The following LRBA variants were observed in gnomAD, a reference collection of about 807,000 sequenced individuals.
LRBA encodes LPS responsive beige-like anchor protein, also known as lipopolysaccharide-responsive and beige-like anchor protein.
A neutral mutation model predicts 330.0 loss-of-function variants in LRBA; 176 were observed. The ratio of observed to expected loss-of-function variants is 0.53; its 90% CI spans 0.47 to 0.60. The LOEUF (loss-of-function observed/expected upper bound fraction) is 0.60. LRBA is among the 20% of genes least tolerant of loss of function. The pLI is 0.00. For synonymous variants in LRBA, 1,230 were observed against 1,193.0 expected (o/e 1.03, Z -0.64); for missense variants, 3,259 against 3,444.8 (o/e 0.95, Z 1.35).
chr4:150,896,052 T>A (rs1730046084), intron 16 of LRBA, among the ~76,000 whole-genome samples: 2 of 152,228 alleles, frequency 1.3e-5, no homozygotes, highest in African/African-American at 4.8e-5. Flanking sequence ...GTTATGAATT[T>A]TTAAAACCTA....
chr4:150,865,327 T>C (rs765278803), intron 22 of LRBA, among the ~76,000 whole-genome samples: 1 of 152,228 alleles, frequency 6.6e-6, no homozygotes, highest in Non-Finnish European at 1.5e-5. Flanking sequence ...GTAAATATTT[T>C]AGATTTTAGG....
At chr4:150,548,008 A>G (rs1334954884) in intron 40 of LRBA, among the ~76,000 whole-genome samples, 1 of 152,138 alleles carries the variant, frequency 6.6e-6, no homozygotes, top group African/African-American at 2.4e-5. Context: ...ATTTATTTAT[A>G]TTTTCTCTAC....
At chr4:150,535,099 G>C (rs537106104) in intron 40 of LRBA, among the ~76,000 whole-genome samples, 191 of 151,920 alleles carry the variant, frequency 1.3e-3, no homozygotes, top group African/African-American at 4.5e-3. Flanking sequence ...TTACAATCCT[G>C]AGCCTTCTCC....
intron 40 of LRBA, among the ~76,000 whole-genome samples, chr4:150,536,425 C>T (rs1764661324): frequency 6.6e-6 from 1 of 152,030 alleles, no homozygotes. Flanking sequence ...ATTTTAAAAC[C>T]CTTCAGCATT....
chr4:150,774,597 T>C (rs985595614), intron 34 of LRBA, among the ~76,000 whole-genome samples: 1 of 152,374 alleles, frequency 6.6e-6, no homozygotes, highest in East Asian at 1.9e-4. Context: ...ACGGGAAGTA[T>C]AAGGATAATT....
chr4:150,304,047 A>AC (rs1280337281), intron 52 of LRBA, among the ~76,000 whole-genome samples: 19 of 152,164 alleles, frequency 1.2e-4, no homozygotes, highest in African/African-American at 4.6e-4. Flanking sequence ...TACAATGTCT[A>AC]CCCTTAATAT....
chr4:150,971,124 C>A (rs1013259161), intron 2 of LRBA, among the ~76,000 whole-genome samples: 3 of 152,140 alleles, frequency 2.0e-5, no homozygotes, highest in Admixed American at 6.5e-5. Flanking sequence ...TCGAAGTGTG[C>A]TCACTCATTT....
At chr4:150,446,203 A>T (rs1181503464) in intron 44 of LRBA, among the ~76,000 whole-genome samples, 1 of 152,194 alleles carries the variant, frequency 6.6e-6, no homozygotes, top group East Asian at 1.9e-4. Flanking sequence ...GATTGATTTT[A>T]AAAATTATGT....
intron 46 of LRBA, among the ~76,000 whole-genome samples, chr4:150,434,932 T>C (rs1750912045): frequency 6.6e-6 from 1 of 151,576 alleles, no homozygotes; most frequent in Non-Finnish European, 1.5e-5. Flanking sequence ...CTACCTACCA[T>C]ATTTTCCCTT....
chr4:150,547,291 AC>A (rs1349933996), intron 40 of LRBA, among the ~76,000 whole-genome samples: 1 of 152,110 alleles, frequency 6.6e-6, no homozygotes, highest in Non-Finnish European at 1.5e-5. Flanking sequence ...TTACTCCCAC[AC>A]AAAAAGGAAA....
chr4:150,338,753 A>G (rs190527248), intron 48 of LRBA, among the ~76,000 whole-genome samples: 1 of 152,242 alleles, frequency 6.6e-6, no homozygotes, highest in Non-Finnish European at 1.5e-5. Flanking sequence ...TCTGTAGCAG[A>G]GGCTTTTTTT....
chr4:150,497,413 A>T (rs185770744), intron 40 of LRBA, among the ~76,000 whole-genome samples: 1 of 152,202 alleles, frequency 6.6e-6, no homozygotes, highest in Non-Finnish European at 1.5e-5. Flanking sequence ...TAATTTTCTT[A>T]CTAAATGTAT....
chr4:150,340,821 G>A (rs1735428528), intron 48 of LRBA, among the ~76,000 whole-genome samples: 1 of 152,094 alleles, frequency 6.6e-6, no homozygotes, highest in Non-Finnish European at 1.5e-5. Flanking sequence ...TCCCCTTCAT[G>A]TAATCAGGAA....
intron 2 of LRBA, among the ~76,000 whole-genome samples, chr4:150,960,474 C>T (rs1008263578): frequency 6.7e-6 from 1 of 148,774 alleles, no homozygotes; most frequent in Non-Finnish European, 1.5e-5. Flanking sequence ...GATAGAATGA[C>T]CTGAGACTTA....
chr4:150,281,519 T>C (rs1234190773), intron 55 of LRBA, among the ~76,000 whole-genome samples: 2 of 152,076 alleles, frequency 1.3e-5, no homozygotes, highest in Non-Finnish European at 2.9e-5. Flanking sequence ...TCAGACTAGA[T>C]CTGGGAAAGT....
chr4:150,557,276 A>G (rs1767447735), intron 40 of LRBA, among the ~76,000 whole-genome samples: 1 of 152,208 alleles, frequency 6.6e-6, no homozygotes, highest in Non-Finnish European at 1.5e-5. Flanking sequence ...AAATAAGAAA[A>G]ATTCATGAGT....
chr4:150,753,927 TGTG>T lies in LRBA; in HGVS notation c.5645+7853_5645+7855del, dbSNP rs373345498. 1.2e-3 allele frequency among the ~76,000 whole-genome samples: 188 copies of T among 151,956 alleles called. 3 individuals are homozygous for T. Among genetic ancestry groups the T allele is most frequent in the African/African-American group, 4.4e-3 (184 of 41,462 alleles). On this transcript the variant is annotated intron_variant, in intron 35 of 56. Coordinates refer to ENST00000651943, the MANE Select transcript of LRBA (RefSeq NM_001364905.1). ...CAAAATGTACAAAAATTAGTTGTGGTGTGGTGGCGAGCACCTGTAGTCCCAGGT... is the reference window on the plus strand; with the variant it reads ...CAAAATGTACAAAAATTAGTTGTGGTGTGGCGAGCACCTGTAGTCCCAGGT...
chr4:150,423,194 TC>T, intron 46 of LRBA: 1 of 1,388,390 alleles, frequency 7.2e-7, no homozygotes, highest in South Asian at 1.2e-5. Flanking sequence ...TTGTTGGCTT[TC>T]TTGGCTCTGG....
intron 37 of LRBA, among the ~76,000 whole-genome samples, chr4:150,616,121 C>A (rs1775748570): frequency 1.3e-5 from 2 of 152,166 alleles, no homozygotes; most frequent in South Asian, 4.1e-4. Flanking sequence ...GATATCCAAG[C>A]TGAGATATTC....
Sources: gnomAD v4.1 joint callset for allele counts (sites outside exome capture counted in the v4.1 genomes callset) on GRCh38, gnomAD v4.1.1 for gene constraint, MANE v1.5 for transcripts, NCBI Gene and HGNC (gene_info 2026-07-23, HGNC 2026-07-21) for gene names.